The following COL26A1 variants were observed in gnomAD, a reference collection of about 807,000 sequenced individuals.
COL26A1 encodes collagen alpha-1(XXVI) chain.
Under a neutral mutation model 59.3 loss-of-function variants are expected in COL26A1, and 41 were observed. The ratio of observed to expected loss-of-function variants is 0.69; its 90% CI spans 0.54 to 0.90. The LOEUF is 0.90. COL26A1 is among the 40% of genes least tolerant of loss of function. The probability of loss-of-function intolerance (pLI) is 0.00; values close to 1 mark genes in which losing one functional copy is unlikely to be tolerated. For missense variants in COL26A1, 612 were observed against 602.3 expected (o/e 1.02, Z -0.17); for synonymous variants, 266 against 256.0 (o/e 1.04, Z -0.37).
intron 2 of COL26A1, among the ~76,000 whole-genome samples, 183 bp from the exon 3 acceptor site, chr7:101,447,501 C>T (rs923792403): frequency 6.6e-6 from 1 of 152,246 alleles, no homozygotes; most frequent in Non-Finnish European, 1.5e-5. Flanking sequence ...TAACTTCCTC[C>T]GTTATGATTT....
intron 3 of COL26A1, among the ~76,000 whole-genome samples, chr7:101,498,995 C>G (rs533359304): frequency 4.3e-4 from 66 of 152,304 alleles, no homozygotes; most frequent in African/African-American, 1.5e-3. Flanking sequence ...TTTTGGAGCT[C>G]ACGTTCCCTG....
At chr7:101,488,908 A>T (rs1252741068) in intron 3 of COL26A1, among the ~76,000 whole-genome samples, 1 of 152,136 alleles carries the variant, frequency 6.6e-6, no homozygotes, top group Non-Finnish European at 1.5e-5. Flanking sequence ...TGCAGTAATC[A>T]TGAGAATGGA....
At chr7:101,523,375 A>G (rs1278102564) in intron 3 of COL26A1, among the ~76,000 whole-genome samples, 1 of 152,050 alleles carries the variant, frequency 6.6e-6, no homozygotes. Context: ...GGCCCGAGAA[A>G]TTCTTAATTT....
chr7:101,551,285 G>A (rs1795857507), intron 10 of COL26A1, 142 bp downstream of exon 10: 2 of 887,204 alleles, frequency 2.3e-6, no homozygotes, highest in East Asian at 2.6e-5. Flanking sequence ...GGGAGGGACT[G>A]AGAAAGGACT....
At chr7:101,433,671 G>A (rs913768487) in intron 2 of COL26A1, among the ~76,000 whole-genome samples, 5 of 152,116 alleles carry the variant, frequency 3.3e-5, no homozygotes, top group Admixed American at 2.0e-4. Context: ...GGGCAGGCGG[G>A]GAAAGGACAG....
At chr7:101,380,368 T>TACTGC (rs1227421632) in intron 1 of COL26A1, among the ~76,000 whole-genome samples, 1 of 149,956 alleles carries the variant, frequency 6.7e-6, no homozygotes, top group Non-Finnish European at 1.5e-5. Flanking sequence ...CTATCTTGGC[T>TACTGC]ACTGCAACCT....
intron 1 of COL26A1, among the ~76,000 whole-genome samples, chr7:101,387,026 A>G (rs747651860): frequency 6.6e-6 from 1 of 152,164 alleles, no homozygotes; most frequent in Non-Finnish European, 1.5e-5. Context: ...ACCGCACACC[A>G]GGAAACGCGC....
chr7:101,458,579 T>TAAGTGAGCC (rs1793533497), intron 3 of COL26A1, among the ~76,000 whole-genome samples: 2 of 151,900 alleles, frequency 1.3e-5, no homozygotes, highest in Admixed American at 6.6e-5. Flanking sequence ...TAGAGTGATC[T>TAAGTGAGCC]AAGTGAGCCA....
At chr7:101,444,876 C>T (rs2130368605) in intron 2 of COL26A1, among the ~76,000 whole-genome samples, 1 of 151,816 alleles carries the variant, frequency 6.6e-6, no homozygotes, top group Non-Finnish European at 1.5e-5. Context: ...TGGAGTCTCA[C>T]TCTTTCACAC....
chr7:101,520,810 G>C (rs889184741), intron 3 of COL26A1, among the ~76,000 whole-genome samples: 1 of 152,134 alleles, frequency 6.6e-6, no homozygotes, highest in African/African-American at 2.4e-5. Flanking sequence ...AGTGGAAATG[G>C]GAAACAGCTG....
At chr7:101,372,439 G>A (rs1791217047) in intron 1 of COL26A1, among the ~76,000 whole-genome samples, 1 of 151,748 alleles carries the variant, frequency 6.6e-6, no homozygotes, top group South Asian at 2.1e-4. Context: ...TGGGATTATA[G>A]GTGTGAGCCA....
chr7:101,461,764 TTTGGTCAA>T (rs1793618593), intron 3 of COL26A1, among the ~76,000 whole-genome samples: 1 of 152,116 alleles, frequency 6.6e-6, no homozygotes, highest in Non-Finnish European at 1.5e-5. Flanking sequence ...AGGGAAGGGC[TTTGGTCAA>T]TGTTATCAAT....
intron 3 of COL26A1, among the ~76,000 whole-genome samples, chr7:101,497,848 G>T (rs1306193104): frequency 6.6e-6 from 1 of 152,106 alleles, no homozygotes; most frequent in Non-Finnish European, 1.5e-5. Context: ...GCTAGGTGTG[G>T]TGTCATGCAC....
chr7:101,423,808 T>C (rs4045), intron 2 of COL26A1, among the ~76,000 whole-genome samples: 110,586 of 152,012 alleles, frequency 0.73, 41,212 homozygotes, highest in African/African-American at 0.9. Context: ...ACTCACTCCT[T>C]GGAGTTCGGA....
At chr7:101,448,237 C>T (rs915703702) in intron 3 of COL26A1, among the ~76,000 whole-genome samples, 3 of 152,202 alleles carry the variant, frequency 2.0e-5, no homozygotes, top group Non-Finnish European at 4.4e-5. Context: ...TGCAGATAGA[C>T]GTTCACCCAG....
intron 3 of COL26A1, among the ~76,000 whole-genome samples, chr7:101,482,560 A>G (rs922007274): frequency 1.3e-5 from 2 of 152,202 alleles, no homozygotes; most frequent in African/African-American, 4.8e-5. Flanking sequence ...GTCAGGATGG[A>G]CTAGGTTGCA....
chr7:101,425,240 C>T (rs1378291218), intron 2 of COL26A1, among the ~76,000 whole-genome samples: 1 of 151,976 alleles, frequency 6.6e-6, no homozygotes, highest in Non-Finnish European at 1.5e-5. Flanking sequence ...CAAAAATTAG[C>T]CAGGCGTGGT....
intron 6 of COL26A1, 109 bp downstream of exon 6, chr7:101,544,205 C>T: frequency 1.4e-6 from 1 of 737,516 alleles, no homozygotes; most frequent in Non-Finnish European, 2.2e-6. Context: ...CCTGATCTTG[C>T]TGGGTACCAG....
chr7:101,490,063 A>G (rs1425097523), intron 3 of COL26A1, among the ~76,000 whole-genome samples: 9 of 150,632 alleles, frequency 6.0e-5, no homozygotes, highest in African/African-American at 2.4e-5. Context: ...CAGCCTCTCA[A>G]GTAGCTGGGA....
Sources: allele counts gnomAD v4.1 joint callset (sites outside exome capture counted in the v4.1 genomes callset), GRCh38; gene constraint gnomAD v4.1.1; transcripts MANE v1.5; gene names NCBI Gene and HGNC (gene_info 2026-07-23, HGNC 2026-07-21).